CNTN6: variants seen among roughly 807,000 people sequenced by gnomAD.
CNTN6 encodes contactin 6.
Under a neutral mutation model 122.8 loss-of-function variants are expected in CNTN6, and 137 were observed. That is an observed-to-expected ratio of 1.12 (90% CI 0.97 to 1.29). CNTN6 has a LOEUF of 1.29. Among genes scored for constraint, CNTN6 ranks in the 50% most tolerant of loss-of-function variants. CNTN6 has a pLI of 0.00. For missense variants in CNTN6, 1,634 were observed against 1,223.4 expected (o/e 1.34, Z -5.01); for synonymous variants, 570 against 426.0 (o/e 1.34, Z -4.16).
chr3:1,234,142 G>A (rs1372081111), intron 4 of CNTN6, among the ~76,000 whole-genome samples: 2 of 152,072 alleles, frequency 1.3e-5, no homozygotes, highest in African/African-American at 4.8e-5. Flanking sequence ...ACTTGCCCAA[G>A]GTCAACTAAC....
chr3:1,235,569 C>G (rs1402996583), intron 4 of CNTN6, among the ~76,000 whole-genome samples: 1 of 152,036 alleles, frequency 6.6e-6, no homozygotes, highest in Non-Finnish European at 1.5e-5. Context: ...ATAGCAAATA[C>G]AGGAGAGAAG....
At chr3:1,354,725 G>A (rs1706267368) in intron 12 of CNTN6, among the ~76,000 whole-genome samples, 1 of 151,278 alleles carries the variant, frequency 6.6e-6, no homozygotes, top group Non-Finnish European at 1.5e-5. Context: ...TAGTTCATAG[G>A]GATATTTTTC....
At chr3:1,258,060 A>T (rs2094788196) in intron 4 of CNTN6, among the ~76,000 whole-genome samples, 1 of 152,126 alleles carries the variant, frequency 6.6e-6, no homozygotes, top group Non-Finnish European at 1.5e-5. Flanking sequence ...CTCCATCACA[A>T]ATCAGTCCCC....
intron 4 of CNTN6, among the ~76,000 whole-genome samples, chr3:1,268,459 T>A (rs1487027684): frequency 6.6e-6 from 1 of 151,562 alleles, no homozygotes; most frequent in Non-Finnish European, 1.5e-5. Context: ...TATAAAAAAT[T>A]AGCCAGGCGC....
At chr3:1,300,589 GAAAGAAAGAAAGAA>G (rs1559756150) in intron 7 of CNTN6, among the ~76,000 whole-genome samples, 37 of 127,094 alleles carry the variant, frequency 2.9e-4, no homozygotes, top group African/African-American at 1.4e-3. Context: ...AAGAAAGAAA[GAAAGAAAGAAAGAA>G]AGAGAGAAAG....
At chr3:1,202,494 T>C (rs1254757257) in intron 2 of CNTN6, among the ~76,000 whole-genome samples, 11 of 150,826 alleles carry the variant, frequency 7.3e-5, no homozygotes, top group Non-Finnish European at 1.3e-4. Flanking sequence ...TGAGCCAAGA[T>C]GGCGCCACCG....
chr3:1,265,274 C>T (rs886534127), intron 4 of CNTN6, among the ~76,000 whole-genome samples: 6 of 152,098 alleles, frequency 3.9e-5, no homozygotes, highest in African/African-American at 1.4e-4. Flanking sequence ...TCTCAGCTAG[C>T]ACTCTCTGCC....
At chr3:1,229,858 C>T (rs1575329904) in intron 4 of CNTN6, among the ~76,000 whole-genome samples, 2 of 152,074 alleles carry the variant, frequency 1.3e-5, no homozygotes, top group South Asian at 4.2e-4. Context: ...TTTCTATTAC[C>T]TTTAATGCAG....
intron 12 of CNTN6, among the ~76,000 whole-genome samples, chr3:1,362,612 GGA>G (rs747230924): frequency 6.6e-6 from 1 of 151,880 alleles, no homozygotes; most frequent in Non-Finnish European, 1.5e-5. Context: ...ACTGCAGCAT[GGA>G]GAGAGAATAA....
chr3:1,159,459 T>C (rs1042397040), intron 2 of CNTN6, among the ~76,000 whole-genome samples: 1 of 152,122 alleles, frequency 6.6e-6, no homozygotes, highest in Non-Finnish European at 1.5e-5. Context: ...CTTGTTTATT[T>C]CCAAAATTTA....
At chr3:1,170,699 C>T (rs978980854) in intron 2 of CNTN6, among the ~76,000 whole-genome samples, 1 of 152,140 alleles carries the variant, frequency 6.6e-6, no homozygotes, top group Non-Finnish European at 1.5e-5. Context: ...CATAAGCCAT[C>T]TCCTCTGAAT....
At chr3:1,383,782 A>G (rs1692313930) in intron 19 of CNTN6, among the ~76,000 whole-genome samples, 1 of 152,240 alleles carries the variant, frequency 6.6e-6, no homozygotes, top group African/African-American at 2.4e-5. Context: ...TTCTACACTC[A>G]TATTTATACC....
chr3:1,269,983 C>G (rs1371478967), intron 4 of CNTN6, among the ~76,000 whole-genome samples: 1 of 152,158 alleles, frequency 6.6e-6, no homozygotes, highest in African/African-American at 2.4e-5. Context: ...TTACTTCCTA[C>G]TTGGATATTA....
chr3:1,391,394 G>A (rs1694122902), intron 20 of CNTN6, among the ~76,000 whole-genome samples: 1 of 116,350 alleles, frequency 8.6e-6, no homozygotes, highest in Non-Finnish European at 1.7e-5. Flanking sequence ...AGGTATTGAT[G>A]GGACATATTT....
At chr3:1,223,175 C>A (rs766018127) in intron 3 of CNTN6, among the ~76,000 whole-genome samples, 1 of 152,092 alleles carries the variant, frequency 6.6e-6, no homozygotes, top group South Asian at 2.1e-4. Flanking sequence ...CAGATTCTAA[C>A]GTTATTTGAG....
chr3:1,286,766 T>C (rs527479149), intron 5 of CNTN6, among the ~76,000 whole-genome samples: 2 of 152,208 alleles, frequency 1.3e-5, no homozygotes, highest in South Asian at 4.2e-4. Context: ...CTCCTCCGTG[T>C]GCTGTATTCA....
At chr3:1,130,446 C>G (rs192078265) in intron 1 of CNTN6, among the ~76,000 whole-genome samples, 1 of 152,214 alleles carries the variant, frequency 6.6e-6, no homozygotes, top group East Asian at 1.9e-4. Flanking sequence ...CTCCCCAGAG[C>G]AACTCTCAAG....
chr3:1,190,310 C>T (rs930089753), intron 2 of CNTN6, among the ~76,000 whole-genome samples: 1 of 152,144 alleles, frequency 6.6e-6, no homozygotes, highest in South Asian at 2.1e-4. Context: ...ACCGTCACAT[C>T]GGGGGTTAGG....
At chr3:1,374,305 T>A (rs1709552667) in intron 16 of CNTN6, among the ~76,000 whole-genome samples, 1 of 151,902 alleles carries the variant, frequency 6.6e-6, no homozygotes, top group Non-Finnish European at 1.5e-5. Flanking sequence ...AAAATCAGAG[T>A]TCTTAGGAAA....
Sources: allele counts gnomAD v4.1 joint callset (sites outside exome capture counted in the v4.1 genomes callset), GRCh38; gene constraint gnomAD v4.1.1; transcripts MANE v1.5; gene names NCBI Gene and HGNC (gene_info 2026-07-23, HGNC 2026-07-21).